The following RBFOX1 variants were observed in gnomAD, a reference collection of about 807,000 sequenced individuals.
RBFOX1 encodes the protein RNA binding fox-1 homolog 1, also known as RNA binding protein fox-1 homolog 1.
A neutral mutation model predicts 57.7 loss-of-function variants in RBFOX1; 8 were observed. The observed-to-expected ratio is 0.14, with a 90% CI of 0.08 to 0.25. The LOEUF is 0.25. Ranked by LOEUF, RBFOX1 falls within the 10% of genes least tolerant of loss-of-function variation. The pLI is 1.00. For missense variants in RBFOX1, 611 were observed against 548.5 expected (o/e 1.11, Z -1.14); for synonymous variants, 326 against 222.4 (o/e 1.47, Z -4.15).
intron 4 of RBFOX1, among the ~76,000 whole-genome samples, chr16:7,290,467 T>A (rs75021366): frequency 0.023 from 3,552 of 152,276 alleles, 108 homozygotes; most frequent in East Asian, 0.13. Flanking sequence ...GAGCACTGTA[T>A]CTCCAAGGCC....
At chr16:6,142,312 C>T (rs1376567252) in intron 1 of RBFOX1, among the ~76,000 whole-genome samples, 3 of 150,152 alleles carry the variant, frequency 2.0e-5, no homozygotes, top group Non-Finnish European at 4.4e-5. Flanking sequence ...AGCTCCACCT[C>T]CTGAGTTCAC....
chr16:5,329,475 A>G (rs1039091455), intron 1 of RBFOX1, among the ~76,000 whole-genome samples: 1 of 152,172 alleles, frequency 6.6e-6, no homozygotes, highest in East Asian at 1.9e-4. Context: ...TGATCCAGTC[A>G]GCTCCCACCA....
intron 14 of RBFOX1, among the ~76,000 whole-genome samples, chr16:7,680,891 C>T (rs2074555004): frequency 6.6e-6 from 1 of 151,964 alleles, no homozygotes; most frequent in African/African-American, 2.4e-5. Flanking sequence ...TTCCTCTCTG[C>T]ACACACACAC....
chr16:5,915,953 G>A (rs1027138306), intron 4 of RBFOX1, among the ~76,000 whole-genome samples: 1 of 152,198 alleles, frequency 6.6e-6, no homozygotes, highest in African/African-American at 2.4e-5. Flanking sequence ...GTTATTCAGT[G>A]CACTGCCCTA....
chr16:7,072,781 A>G (rs1212544642), intron 4 of RBFOX1, among the ~76,000 whole-genome samples: 2 of 152,244 alleles, frequency 1.3e-5, no homozygotes, highest in African/African-American at 2.4e-5. Context: ...TCCTTCAGAG[A>G]ATCGGAGACA....
chr16:6,724,314 G>C (rs1483681382), intron 3 of RBFOX1, among the ~76,000 whole-genome samples: 6 of 150,770 alleles, frequency 4.0e-5, no homozygotes. Flanking sequence ...GCTTCAAGCA[G>C]TTCTCTTGCC....
chr16:6,935,021 G>T (rs4786952), intron 3 of RBFOX1, among the ~76,000 whole-genome samples: 2 of 152,030 alleles, frequency 1.3e-5, no homozygotes, highest in African/African-American at 4.8e-5. Flanking sequence ...CCAGGAGGCA[G>T]GGGTTGTTGC....
rs368548127 is a variant in RBFOX1 at position 6,898,406 on chromosome 16, C to T, written c.-15-153651C>T. On this transcript the variant is annotated intron_variant, in intron 3 of 15. Transcript: ENST00000550418. ...GTATTGAGTGCACCCCAGCCCCTGACATTTCAGCTTGTTATGTGGCTGTGG... is the reference window on the plus strand; with the variant it reads ...GTATTGAGTGCACCCCAGCCCCTGATATTTCAGCTTGTTATGTGGCTGTGG... Among the ~76,000 whole-genome samples the T allele has an allele frequency of 2.0e-5, 3 of 152,284 alleles. No individual in the cohort carries two copies. The East Asian group carries it at 5.8e-4, about 29-fold the overall frequency.
chr16:7,256,907 C>T (rs9933249), intron 4 of RBFOX1, among the ~76,000 whole-genome samples: 92,361 of 151,878 alleles, frequency 0.61, 28,702 homozygotes, highest in African/African-American at 0.69. Flanking sequence ...GGGAAACCTA[C>T]CCAAGTCTCT....
At chr16:7,580,447 A>T (rs2093669394) in intron 6 of RBFOX1, among the ~76,000 whole-genome samples, 2 of 152,158 alleles carry the variant, frequency 1.3e-5, no homozygotes, top group South Asian at 4.1e-4. Context: ...CAAAACCACC[A>T]CCACCGACAC....
At chr16:6,135,770 T>C (rs1164949615) in intron 1 of RBFOX1, among the ~76,000 whole-genome samples, 1 of 147,652 alleles carries the variant, frequency 6.8e-6, no homozygotes, top group African/African-American at 2.5e-5. Context: ...TTCCTGGAGA[T>C]GGCACTCGTT....
chr16:7,665,757 A>C (rs2069063130), intron 13 of RBFOX1, among the ~76,000 whole-genome samples: 1 of 152,284 alleles, frequency 6.6e-6, no homozygotes, highest in Non-Finnish European at 1.5e-5. Flanking sequence ...CTAAATCACA[A>C]TTTTTATTAC....
In RBFOX1 at chr16:6,702,200, A is replaced by C. The variant is rs115611854; in HGVS notation, c.-16+47550A>C. On this transcript the variant is annotated intron_variant, in intron 3 of 15. Transcript: ENST00000550418. ...CTCTACCATGATCCAGACACCTCCC[A>C]GTAGACCCACCTCCAACACTGGAGA... Among the ~76,000 whole-genome samples, 765 of 152,322 alleles carry C rather than the reference A, an allele frequency of 5.0e-3. 9 individuals carry two copies. Among genetic ancestry groups the C allele is most frequent in the African/African-American group, 0.017 (727 of 41,578 alleles).
intron 3 of RBFOX1, among the ~76,000 whole-genome samples, chr16:6,830,657 A>G (rs2092641507): frequency 6.6e-6 from 1 of 152,162 alleles, no homozygotes; most frequent in Non-Finnish European, 1.5e-5. Flanking sequence ...GCTCTTACAC[A>G]AAGACTTCCC....
intron 2 of RBFOX1, among the ~76,000 whole-genome samples, chr16:6,378,923 A>C (rs1036391211): frequency 6.6e-6 from 1 of 152,164 alleles, no homozygotes; most frequent in Non-Finnish European, 1.5e-5. Context: ...TGGAATTGGT[A>C]GCACTGATCT....
In RBFOX1 at chr16:6,781,250, G is replaced by C. The variant is rs542515054; in HGVS notation, c.-16+126600G>C. ...TCACATTTATTGATTTGTCTTTGTT[G>C]AACCATCCTTTTATCGCAGGAATGA... is the stretch of plus-strand genomic sequence containing the variant. On this transcript the variant is annotated intron_variant, in intron 3 of 15. Transcript: ENST00000550418. Among the ~76,000 whole-genome samples the C allele has an allele frequency of 7.2e-5, 11 of 152,148 alleles. No homozygotes were observed. The East Asian group carries it at 2.1e-3, about 29-fold the overall frequency.
chr16:7,155,802 C>G (rs1327208091), intron 4 of RBFOX1, among the ~76,000 whole-genome samples: 1 of 145,820 alleles, frequency 6.9e-6, no homozygotes, highest in Non-Finnish European at 1.5e-5. Context: ...TTCAGCTATT[C>G]TAATATTTGT....
At chr16:6,980,347 C>G (rs1176225400) in intron 3 of RBFOX1, among the ~76,000 whole-genome samples, 1 of 152,126 alleles carries the variant, frequency 6.6e-6, no homozygotes, top group African/African-American at 2.4e-5. Flanking sequence ...CAGATGAGGA[C>G]TAACATGTAA....
chr16:6,020,411 A>T (rs913781580), intron 1 of RBFOX1, among the ~76,000 whole-genome samples: 1 of 152,166 alleles, frequency 6.6e-6, no homozygotes, highest in East Asian at 1.9e-4. Flanking sequence ...CAGGGTGTGC[A>T]GGAGGAGGCA....
Sources: allele counts gnomAD v4.1 joint callset (sites outside exome capture counted in the v4.1 genomes callset), GRCh38; gene constraint gnomAD v4.1.1; transcripts MANE v1.5; gene names NCBI Gene and HGNC (gene_info 2026-07-23, HGNC 2026-07-21).